SLC4A7: variants seen among roughly 807,000 people sequenced by gnomAD.
SLC4A7 encodes the protein solute carrier family 4 member 7.
In SLC4A7, 51 loss-of-function variants were observed where a neutral mutation model predicts 137.6. The ratio of observed to expected loss-of-function variants is 0.37; its 90% CI spans 0.30 to 0.47. The LOEUF is 0.47. SLC4A7 is among the 20% of genes least tolerant of loss of function. SLC4A7 has a pLI of 1.00. For synonymous variants in SLC4A7, 542 were observed against 518.6 expected (o/e 1.05, Z -0.61); for missense variants, 1,247 against 1,525.4 (o/e 0.82, Z 3.04).
chr3:27,432,358 TCTG>T (rs2056382537), intron 6 of SLC4A7, among the ~76,000 whole-genome samples: 2 of 152,184 alleles, frequency 1.3e-5, no homozygotes, highest in African/African-American at 4.8e-5. Flanking sequence ...GCTTTTCATT[TCTG>T]ATATGTAGCA....
intron 7 of SLC4A7, among the ~76,000 whole-genome samples, chr3:27,429,040 G>C (rs2055964176): frequency 6.6e-6 from 1 of 152,072 alleles, no homozygotes; most frequent in Non-Finnish European, 1.5e-5. Context: ...GGCCCAGGCA[G>C]GCAGATCACG....
chr3:27,475,896 G>A (rs116112910), intron 1 of SLC4A7, among the ~76,000 whole-genome samples: 538 of 152,292 alleles, frequency 3.5e-3, no homozygotes, highest in African/African-American at 0.012. Context: ...TGGCAAGCTA[G>A]GGTGGCAGAG....
At chr3:27,456,554 C>T in intron 1 of SLC4A7, 1 of 844,896 alleles carries the variant, frequency 1.2e-6, no homozygotes, top group Non-Finnish European at 2.0e-6. Context: ...TATTCTAAGC[C>T]AGTGCTAATA....
intron 22 of SLC4A7, among the ~76,000 whole-genome samples, chr3:27,386,967 T>C (rs987246374): frequency 6.6e-6 from 1 of 152,172 alleles, no homozygotes; most frequent in Non-Finnish European, 1.5e-5. Flanking sequence ...AAAGAAATAC[T>C]ACCTTTAATG....
At position 27,395,114 on chromosome 3, in the gene SLC4A7, G is replaced by C. The variant is rs761164199; in HGVS notation, c.2705C>G (p.Pro902Arg). The C allele has an allele frequency of 6.4e-7, 1 of 1,567,192 alleles. No homozygotes were observed. The highest frequency in any genetic ancestry group is 8.6e-7 in the Non-Finnish European group (1 of 1,165,052). ...GATCCACCCTCTCTCTGGATGAGTAGGCTGTTAAAAAATTAAATATAATTT... is the reference window on the plus strand; with the variant it reads ...GATCCACCCTCTCTCTGGATGAGTACGCTGTTAAAAAATTAAATATAATTT... ...PKLHVPEKFE[P>R]THPERGWIIS... Residue 902 changes from proline to arginine, a missense_variant and splice_region_variant, in exon 19 of 26, where the codon CCT (proline) becomes CGT (arginine). Pro to Arg is a moderately radical substitution (Grantham distance 103). Coordinates refer to ENST00000454389, the MANE Select transcript of SLC4A7 (RefSeq NM_001321103.2).
rs528124396 is a variant in SLC4A7 at position 27,436,491 on chromosome 3, A to G, written c.486T>C (p.Tyr162=). 717 of 1,613,638 alleles carry G rather than the reference A, an allele frequency of 4.4e-4. 12 individuals are homozygous for G. In the South Asian group the frequency reaches 7.6e-3, roughly 17 times the overall value. Reference sequence around the variant, plus strand: ...GACTGTGCAAAGAGAGAGTTGCCACATAAGGTTTACTCCATCGGTCACCGC... The same window carrying G: ...GACTGTGCAAAGAGAGAGTTGCCACGTAAGGTTTACTCCATCGGTCACCGC... ...EDGGDRWSKP[Y]VATLSLHSLF... Residue 162 remains tyrosine (Y), a synonymous_variant, in exon 5 of 26, where the codon TAT becomes TAC. Transcript: ENST00000454389.
rs2055290249 is a variant in SLC4A7, at chr3:27,424,087, C to G, written c.1216G>C (p.Gly406Arg). The G allele has an allele frequency of 6.2e-7, 1 of 1,612,012 alleles. No individual in the cohort carries two copies. The highest frequency in any genetic ancestry group is 8.5e-7 in the Non-Finnish European group (1 of 1,178,730). ...TCTCTGCTTCCACCACTTCCATTAC[C>G]TTTAATTTCTCCACTTTTACTATTG... ...LDNSKSGEIK[G>R]NGSGGSRENS... The change falls in exon 8 of 26, where the codon GGT becomes CGT. Residue 406 changes from glycine (G) to arginine (R), a missense_variant. By Grantham distance (125) the Gly-to-Arg change is moderately radical (BLOSUM62 -2). This residue lies in a region of SLC4A7 where 499 missense variants were observed against 664.2 expected (regional missense o/e 0.75). Coordinates refer to ENST00000454389, the MANE Select transcript of SLC4A7 (RefSeq NM_001321103.2).
chr3:27,474,459 C>A (rs1046702988), intron 1 of SLC4A7, among the ~76,000 whole-genome samples: 2 of 152,144 alleles, frequency 1.3e-5, no homozygotes, highest in Admixed American at 6.6e-5. Flanking sequence ...TAAAGGTAAT[C>A]CCAGCACTTT....
chr3:27,396,339 G>C (rs1188996408), intron 18 of SLC4A7, among the ~76,000 whole-genome samples: 4 of 151,980 alleles, frequency 2.6e-5, no homozygotes, highest in African/African-American at 9.7e-5. Context: ...CTTGAAATCA[G>C]CCTATTACCT....
intron 25 of SLC4A7, among the ~76,000 whole-genome samples, chr3:27,378,785 T>C (rs1472454915): frequency 1.3e-5 from 2 of 152,246 alleles, no homozygotes; most frequent in Non-Finnish European, 1.5e-5. Context: ...ATTGAAATAG[T>C]ATTCAATTAC....
chr3:27,426,278 C>T (rs1241089261), intron 7 of SLC4A7, among the ~76,000 whole-genome samples: 1 of 152,200 alleles, frequency 6.6e-6, no homozygotes, highest in African/African-American at 2.4e-5. Context: ...TCCCAAGCCT[C>T]AACTCATTTC....
intron 1 of SLC4A7, among the ~76,000 whole-genome samples, chr3:27,456,475 T>A (rs896632846): frequency 7.2e-5 from 11 of 152,216 alleles, no homozygotes; most frequent in African/African-American, 2.7e-4. Flanking sequence ...CTACAATTAT[T>A]TTTAACTTTA....
intron 14 of SLC4A7, among the ~76,000 whole-genome samples, chr3:27,403,978 G>A (rs908316626): frequency 6.6e-6 from 1 of 152,212 alleles, no homozygotes; most frequent in Non-Finnish European, 1.5e-5. Flanking sequence ...CTTGTTTAGT[G>A]AGTACAGAAT....
intron 1 of SLC4A7, among the ~76,000 whole-genome samples, chr3:27,483,640 A>G (rs2150778774): frequency 6.6e-6 from 1 of 152,348 alleles, no homozygotes; most frequent in African/African-American, 2.4e-5. Flanking sequence ...TAGAAGGAGA[A>G]GAAAGATAGG....
In SLC4A7 at chr3:27,433,926, A is replaced by G. The variant is rs751739061; in HGVS notation, c.768T>C (p.Leu256=). 1 of 1,613,530 alleles carries G rather than the reference A, an allele frequency of 6.2e-7. No individual in the cohort carries two copies. The highest frequency in any genetic ancestry group is 1.3e-5 in the African/African-American group (1 of 74,894). Residue 256 remains leucine (L), a synonymous_variant, in exon 6 of 26, where the codon CTT becomes CTC. Coordinates refer to ENST00000454389, the MANE Select transcript of SLC4A7 (RefSeq NM_001321103.2). The stretch of plus-strand genomic sequence containing the variant: ...CACAACTTATCTCACCATTCCTTTC[A>G]AGCAAGTGAGGGTCAGAATGTTTCT... ...IGKKHSDPHL[L]ERNGEGLSAS... is the part of the protein sequence containing the mutation.
chr3:27,436,133 A>C (rs2150401541), intron 5 of SLC4A7, among the ~76,000 whole-genome samples: 1 of 152,316 alleles, frequency 6.6e-6, no homozygotes, highest in East Asian at 1.9e-4. Context: ...CCAAAAAACA[A>C]GGAAACAAAA....
At chr3:27,438,027 T>C (rs1456490002) in intron 3 of SLC4A7, among the ~76,000 whole-genome samples, 1 of 152,034 alleles carries the variant, frequency 6.6e-6, no homozygotes, top group Non-Finnish European at 1.5e-5. Flanking sequence ...TGAAACCCCG[T>C]CTCTACTAAA....
At chr3:27,415,131 T>C (rs966913165) in intron 11 of SLC4A7, among the ~76,000 whole-genome samples, 1 of 152,176 alleles carries the variant, frequency 6.6e-6, no homozygotes, top group East Asian at 1.9e-4. Context: ...GAGACTGAAT[T>C]AGAGACATTG....
At chr3:27,379,454 A>T in intron 24 of SLC4A7, 98 bp from the exon 25 acceptor site, 1 of 616,028 alleles carries the variant, frequency 1.6e-6, no homozygotes, top group Non-Finnish European at 2.8e-6. Flanking sequence ...AATTGAGAAA[A>T]CCTTTGCCAG....
Sources: gnomAD v4.1 joint callset for allele counts (sites outside exome capture counted in the v4.1 genomes callset) on GRCh38, gnomAD v4.1.1 for gene constraint, gnomAD v4.1.1 regional missense constraint, MANE v1.5 for transcripts, NCBI Gene and HGNC (gene_info 2026-07-23, HGNC 2026-07-21) for gene names.